FOXP1: variants seen among roughly 807,000 people sequenced by gnomAD.
The protein encoded by FOXP1 is forkhead box P1.
Under a neutral mutation model 98.2 loss-of-function variants are expected in FOXP1, and 15 were observed. The ratio of observed to expected loss-of-function variants is 0.15; its 90% confidence interval spans 0.10 to 0.24. The LOEUF (loss-of-function observed/expected upper bound fraction) is 0.24. Among genes scored for constraint, FOXP1 ranks in the 10% least tolerant of loss-of-function variants. The pLI is 1.00. For missense variants in FOXP1, 633 were observed against 848.5 expected, an observed-to-expected ratio of 0.75 and a Z score of 3.15; for synonymous variants, 371 against 314.5, an observed-to-expected ratio of 1.18 and a Z score of -1.90.
At chr3:71,556,492 G>T (rs947976179) in intron 2 of FOXP1, among the ~76,000 whole-genome samples, 1 of 147,330 alleles carries the variant, frequency 6.8e-6, no homozygotes. Context: ...CAGGAGAATC[G>T]CTTGAACTCG....
chr3:71,532,885 C>T lies in FOXP1; in HGVS notation c.-297-39330G>A, dbSNP rs533819146. ...TTTTTAAGCATACATTTTCAGGAGG[C>T]GAGGCGGGGGACAGGATCTACTGAG... is the stretch of plus-strand genomic sequence containing the variant. On this transcript the variant is annotated intron_variant, in intron 2 of 20. Transcript: ENST00000649528. Among the ~76,000 whole-genome samples the T allele has an allele frequency of 1.8e-3, 269 of 152,214 alleles. 2 individuals carry two copies. Among genetic ancestry groups the T allele is most frequent in the Middle Eastern group, 0.014 (4 of 294 alleles).
At chr3:71,336,514 CT>C (rs2076693084) in intron 4 of FOXP1, among the ~76,000 whole-genome samples, 1 of 152,092 alleles carries the variant, frequency 6.6e-6, no homozygotes, top group Non-Finnish European at 1.5e-5. Flanking sequence ...TTAATGGTTA[CT>C]TTCAGAAAAG....
chr3:71,382,476 C>T (rs768079932), intron 3 of FOXP1, among the ~76,000 whole-genome samples: 6 of 152,122 alleles, frequency 3.9e-5, no homozygotes, highest in Non-Finnish European at 8.8e-5. Flanking sequence ...TAATATATTC[C>T]ATCTCCCTGG....
intron 3 of FOXP1, among the ~76,000 whole-genome samples, chr3:71,397,643 C>G (rs1323035263): frequency 6.6e-6 from 1 of 152,170 alleles, no homozygotes; most frequent in Non-Finnish European, 1.5e-5. Context: ...GTCTGCAGTA[C>G]TATGGGAGAA....
intron 5 of FOXP1, among the ~76,000 whole-genome samples, chr3:71,199,917 A>T (rs1217297054): frequency 6.6e-6 from 1 of 151,718 alleles, no homozygotes; most frequent in African/African-American, 2.4e-5. Context: ...CTCTACTAAA[A>T]ATACAAAAAT....
chr3:71,352,283 T>C (rs1343160452), intron 4 of FOXP1, among the ~76,000 whole-genome samples: 1 of 151,848 alleles, frequency 6.6e-6, no homozygotes, highest in Non-Finnish European at 1.5e-5. Flanking sequence ...CTGGCCAACA[T>C]GGCAAAATCC....
chr3:71,486,803 A>G (rs907713449), intron 3 of FOXP1, among the ~76,000 whole-genome samples: 5 of 152,230 alleles, frequency 3.3e-5, no homozygotes, highest in African/African-American at 1.2e-4. Context: ...AGAAAACAGA[A>G]TATTTTCAAA....
intron 5 of FOXP1, among the ~76,000 whole-genome samples, chr3:71,270,191 T>C (rs2070199728): frequency 6.6e-6 from 1 of 152,188 alleles, no homozygotes; most frequent in African/African-American, 2.4e-5. Flanking sequence ...TTATGTTCGG[T>C]GCCAGGCAAA....
At chr3:71,170,828 C>T (rs965763589) in intron 6 of FOXP1, among the ~76,000 whole-genome samples, 3 of 152,210 alleles carry the variant, frequency 2.0e-5, no homozygotes, top group Admixed American at 6.5e-5. Flanking sequence ...CGTCCATCTA[C>T]AACTTCCTTC....
intron 3 of FOXP1, among the ~76,000 whole-genome samples, chr3:71,474,513 G>T (rs2089647671): frequency 6.6e-6 from 1 of 152,162 alleles, no homozygotes; most frequent in Admixed American, 6.5e-5. Context: ...AGGCAAGCAA[G>T]TGAAGCTTCA....
rs2064165764 is a variant in FOXP1 at position 71,207,884 on chromosome 3, TAA to T, written c.-11-9494_-11-9493del. ...CGTCATGTGCACACACCAAACTAGA[TAA>T]AGAGCCACATGCTTGCTTTACTTAA... On this transcript the variant is annotated intron_variant, in intron 5 of 20. Coordinates refer to ENST00000649528, the MANE Select transcript of FOXP1 (RefSeq NM_001349338.3). 2.0e-5 allele frequency among the ~76,000 whole-genome samples: 3 copies of T among 152,292 alleles called. No individual in the cohort carries two copies. The South Asian group carries it at 6.2e-4, about 32-fold the overall frequency.
At position 71,335,842 on chromosome 3, in the gene FOXP1, AAAT is replaced by A. The variant is rs1409461606; in HGVS notation, c.-73+23305_-73+23307del. Among the ~76,000 whole-genome samples the A allele has an allele frequency of 3.3e-5, 5 of 151,718 alleles. No individual in the cohort carries two copies. The East Asian group carries it at 7.7e-4, about 23-fold the overall frequency. On this transcript the variant is annotated intron_variant, in intron 4 of 20. Coordinates refer to ENST00000649528, the MANE Select transcript of FOXP1 (RefSeq NM_001349338.3). ...CAACGTGGTGAAACCCCGTCTCTAC[AAAT>A]AATACAAAAATTAGCTGGACTTGTT...
At chr3:71,181,169 C>T (rs1375056072) in intron 6 of FOXP1, among the ~76,000 whole-genome samples, 1 of 152,000 alleles carries the variant, frequency 6.6e-6, no homozygotes, top group Admixed American at 6.6e-5. Context: ...CTACAATGAC[C>T]CAAGATGATT....
intron 13 of FOXP1, among the ~76,000 whole-genome samples, chr3:70,988,810 A>G (rs377740844): frequency 3.3e-5 from 5 of 152,364 alleles, no homozygotes; most frequent in African/African-American, 7.2e-5. Context: ...CTTTAACTCG[A>G]TATTTTCAAT....
chr3:71,392,737 G>A (rs1044697014), intron 3 of FOXP1, among the ~76,000 whole-genome samples: 2 of 152,228 alleles, frequency 1.3e-5, no homozygotes, highest in Admixed American at 6.5e-5. Context: ...GGCCTAGGTC[G>A]CAATCATTCT....
chr3:71,236,380 G>T (rs1394605289), intron 5 of FOXP1, among the ~76,000 whole-genome samples: 4 of 152,152 alleles, frequency 2.6e-5, no homozygotes, highest in Non-Finnish European at 5.9e-5. Context: ...TCTGTAACAT[G>T]CTTTCATTGC....
chr3:71,543,502 A>T (rs970850257), intron 2 of FOXP1: 2 of 152,482 alleles, frequency 1.3e-5, no homozygotes. Context: ...AATGTAGTTG[A>T]CACCAAGCCC....
intron 4 of FOXP1, among the ~76,000 whole-genome samples, chr3:71,310,970 G>C (rs1167430412): frequency 6.6e-6 from 1 of 152,190 alleles, no homozygotes; most frequent in Admixed American, 6.5e-5. Context: ...AAAAGTTTAG[G>C]CAACAGATAA....
chr3:71,367,996 G>A (rs2079036353), intron 3 of FOXP1, among the ~76,000 whole-genome samples: 1 of 152,192 alleles, frequency 6.6e-6, no homozygotes, highest in South Asian at 2.1e-4. Context: ...TCACCACTTA[G>A]GGTTGAATAT....
Sources: allele counts gnomAD v4.1 joint callset (sites outside exome capture counted in the v4.1 genomes callset), GRCh38; gene constraint gnomAD v4.1.1; transcripts MANE v1.5; gene names NCBI Gene and HGNC (gene_info 2026-07-23, HGNC 2026-07-21).